LRFN5: variants seen among roughly 807,000 people sequenced by gnomAD.
LRFN5 encodes leucine-rich repeat and fibronectin type-III domain-containing protein 5.
Under a neutral mutation model 45.6 loss-of-function variants are expected in LRFN5, and 24 were observed. That is an observed-to-expected ratio of 0.53 (90% confidence interval 0.38 to 0.74). The LOEUF (loss-of-function observed/expected upper bound fraction) is 0.74, where lower values mean the gene tolerates loss of function less well. Among genes scored for constraint, LRFN5 ranks in the 30% least tolerant of loss-of-function variants. The probability of loss-of-function intolerance (pLI) is 0.00; values close to 1 mark genes in which losing one functional copy is unlikely to be tolerated. For missense variants in LRFN5, 776 were observed against 861.5 expected (o/e 0.90, Z 1.24); for synonymous variants, 340 against 313.8 (o/e 1.08, Z -0.88).
chr14:41,747,648 CA>C, intron 1 of LRFN5, among the ~76,000 whole-genome samples: 1 of 151,644 alleles, frequency 6.6e-6, no homozygotes, highest in Non-Finnish European at 1.5e-5. Flanking sequence ...GCATAGCCAA[CA>C]AAGAGAAAAA....
At chr14:41,742,838 G>A (rs531555507) in intron 1 of LRFN5, 6 of 159,758 alleles carry the variant, frequency 3.8e-5, no homozygotes, top group Middle Eastern at 5.6e-4. Context: ...ACATAGCGCA[G>A]ATGAGCTTGG....
chr14:41,765,619 A>T (rs974113605), intron 1 of LRFN5, among the ~76,000 whole-genome samples: 1 of 152,314 alleles, frequency 6.6e-6, no homozygotes, highest in South Asian at 2.1e-4. Context: ...AAGGCAAACA[A>T]TTGCTGTATC....
rs560302429 is a variant in LRFN5, at chr14:41,628,475, G to A, written c.-197+19913G>A. Among the ~76,000 whole-genome samples, 16 of 152,198 alleles carry A rather than the reference G, an allele frequency of 1.1e-4. No individual in the cohort carries two copies. In the South Asian group the frequency reaches 3.3e-3, roughly 32 times the overall value. On this transcript the variant is annotated intron_variant, in intron 1 of 5. Coordinates refer to ENST00000298119, the MANE Select transcript of LRFN5 (RefSeq NM_152447.5). ...AATAACTTGCCAGGTGTGGTGGCAT[G>A]CACCTGTAGTTCTAGCTGCTTGGGA...
At chr14:41,799,068 T>C (rs1887234001) in intron 2 of LRFN5, among the ~76,000 whole-genome samples, 1 of 152,034 alleles carries the variant, frequency 6.6e-6, no homozygotes, top group African/African-American at 2.4e-5. Context: ...GAAAACTTAG[T>C]TGTATGTCCA....
intron 1 of LRFN5, among the ~76,000 whole-genome samples, chr14:41,613,445 C>A (rs1226908479): frequency 1.3e-5 from 2 of 151,934 alleles, no homozygotes; most frequent in African/African-American, 4.8e-5. Context: ...GAAAATATAT[C>A]TTTTTACAAA....
chr14:41,788,776 C>T (rs1197275086), intron 2 of LRFN5, among the ~76,000 whole-genome samples: 1 of 151,958 alleles, frequency 6.6e-6, no homozygotes, highest in Non-Finnish European at 1.5e-5. Context: ...CAATAATTAA[C>T]TTTTCTTTGA....
At chr14:41,759,926 G>A (rs1205877826) in intron 1 of LRFN5, among the ~76,000 whole-genome samples, 1 of 152,168 alleles carries the variant, frequency 6.6e-6, no homozygotes, top group Non-Finnish European at 1.5e-5. Flanking sequence ...GCGCTATTAT[G>A]TAAATTTTCA....
intron 1 of LRFN5, among the ~76,000 whole-genome samples, chr14:41,755,576 T>A (rs1266890017): frequency 6.6e-6 from 1 of 152,154 alleles, no homozygotes; most frequent in Non-Finnish European, 1.5e-5. Flanking sequence ...TATCAGAGAC[T>A]AGGATTGCAA....
At chr14:41,659,744 C>T (rs1436781735) in intron 1 of LRFN5, among the ~76,000 whole-genome samples, 1 of 152,128 alleles carries the variant, frequency 6.6e-6, no homozygotes. Context: ...GATCGCCATT[C>T]TAACTGGCGT....
intron 5 of LRFN5, among the ~76,000 whole-genome samples, chr14:41,900,413 A>T (rs1364694222): frequency 6.6e-6 from 1 of 152,050 alleles, no homozygotes; most frequent in South Asian, 2.1e-4. Flanking sequence ...AAGTCTTTGT[A>T]CTAAGAGATA....
At chr14:41,834,471 T>C (rs1888594091) in intron 2 of LRFN5, among the ~76,000 whole-genome samples, 2 of 152,170 alleles carry the variant, frequency 1.3e-5, no homozygotes. Context: ...CTATTAACAT[T>C]CACCTCTGCT....
intron 2 of LRFN5, among the ~76,000 whole-genome samples, chr14:41,864,833 G>A (rs1346996746): frequency 1.3e-5 from 2 of 151,314 alleles, no homozygotes; most frequent in South Asian, 2.1e-4. Flanking sequence ...TTTCCCTTGG[G>A]ATAATGAAAA....
intron 2 of LRFN5, among the ~76,000 whole-genome samples, chr14:41,824,410 C>T (rs1888224072): frequency 6.6e-6 from 1 of 152,106 alleles, no homozygotes; most frequent in African/African-American, 2.4e-5. Context: ...TGCTGAGGCT[C>T]ATTATGAGTT....
chr14:41,727,128 A>C (rs1285598216), intron 1 of LRFN5, among the ~76,000 whole-genome samples: 1 of 152,210 alleles, frequency 6.6e-6, no homozygotes, highest in Non-Finnish European at 1.5e-5. Context: ...AAGACTTTTT[A>C]CTAATCATTT....
chr14:41,791,089 G>T (rs575058876), intron 2 of LRFN5, among the ~76,000 whole-genome samples: 2 of 151,720 alleles, frequency 1.3e-5, no homozygotes, highest in African/African-American at 2.4e-5. Flanking sequence ...ATTAAAGATG[G>T]TATTGACTTT....
At chr14:41,704,440 C>CTGTG (rs1207281360) in intron 1 of LRFN5, among the ~76,000 whole-genome samples, 1 of 125,270 alleles carries the variant, frequency 8.0e-6, no homozygotes, top group Non-Finnish European at 1.6e-5. Context: ...CTCTCTCTCT[C>CTGTG]TCTCTCTCTG....
At chr14:41,799,310 C>T (rs1887242706) in intron 2 of LRFN5, among the ~76,000 whole-genome samples, 1 of 151,876 alleles carries the variant, frequency 6.6e-6, no homozygotes, top group Admixed American at 6.6e-5. Context: ...AAATCTTTTC[C>T]ACTTTTTGCC....
At chr14:41,767,541 G>C (rs1167827309) in intron 2 of LRFN5, among the ~76,000 whole-genome samples, 1 of 152,054 alleles carries the variant, frequency 6.6e-6, no homozygotes, top group Non-Finnish European at 1.5e-5. Flanking sequence ...CTGATTGGTT[G>C]GTTTATTGAA....
chr14:41,837,194 C>CAAAAAAAAAA (rs5808157), intron 2 of LRFN5, among the ~76,000 whole-genome samples: 2 of 75,406 alleles, frequency 2.7e-5, no homozygotes, highest in Non-Finnish European at 5.0e-5. Context: ...ACACACTCCA[C>CAAAAAAAAAA]AAAAAAAAAA....
Sources: allele counts gnomAD v4.1 joint callset (sites outside exome capture counted in the v4.1 genomes callset), GRCh38; gene constraint gnomAD v4.1.1; transcripts MANE v1.5; gene names NCBI Gene and HGNC (gene_info 2026-07-23, HGNC 2026-07-21).